The following APPL1 variants were observed in gnomAD, a reference collection of about 807,000 sequenced individuals.
APPL1 encodes DCC-interacting protein 13-alpha.
In APPL1, 42 loss-of-function variants were observed where a neutral mutation model predicts 106.8. The ratio of observed to expected loss-of-function variants is 0.39; its 90% CI spans 0.31 to 0.51. The LOEUF (loss-of-function observed/expected upper bound fraction) is 0.51, where lower values mean the gene tolerates loss of function less well. Among genes scored for constraint, APPL1 ranks in the 20% least tolerant of loss-of-function variants. The probability of loss-of-function intolerance (pLI) is 0.75; values close to 1 mark genes in which losing one functional copy is unlikely to be tolerated. For synonymous variants in APPL1, 263 were observed against 281.8 expected (o/e 0.93, Z 0.67); for missense variants, 769 against 858.2 (o/e 0.90, Z 1.30).
At chr3:57,230,927 C>A (rs368379565) in intron 1 of APPL1, among the ~76,000 whole-genome samples, 1 of 151,872 alleles carries the variant, frequency 6.6e-6, no homozygotes, top group East Asian at 1.9e-4. Context: ...GATGGAGTTT[C>A]GCTCTTGTCG....
intron 9 of APPL1, among the ~76,000 whole-genome samples, chr3:57,247,870 G>A (rs1483744669): frequency 6.6e-6 from 1 of 152,210 alleles, no homozygotes; most frequent in African/African-American, 2.4e-5. Context: ...ATGCCGAGCA[G>A]TGTATGTGGT....
chr3:57,238,286 A>T, intron 4 of APPL1, 170 bp downstream of exon 4: 1 of 519,188 alleles, frequency 1.9e-6, no homozygotes. Context: ...TACCTGATTA[A>T]ACATTGTTTT....
chr3:57,260,916 G>T, intron 19 of APPL1, 142 bp downstream of exon 19: 1 of 1,023,144 alleles, frequency 9.8e-7, no homozygotes, highest in Non-Finnish European at 1.3e-6. Flanking sequence ...AATTTATGAG[G>T]CACATGTGAA....
intron 15 of APPL1, among the ~76,000 whole-genome samples, chr3:57,258,570 A>C (rs930227302): frequency 6.6e-6 from 1 of 152,150 alleles, no homozygotes; most frequent in Non-Finnish European, 1.5e-5. Context: ...TTCTTTTTGC[A>C]TTGTTACTTA....
chr3:57,257,598 A>C (rs190261924), intron 15 of APPL1, among the ~76,000 whole-genome samples, 170 bp downstream of exon 15: 46 of 152,272 alleles, frequency 3.0e-4, no homozygotes, highest in Admixed American at 1.3e-3. Flanking sequence ...TTTTTTCTCT[A>C]TGTCTTCTGC....
At chr3:57,251,000 G>C (rs1462338842) in intron 11 of APPL1, among the ~76,000 whole-genome samples, 2 of 146,672 alleles carry the variant, frequency 1.4e-5, no homozygotes, top group African/African-American at 5.0e-5. Flanking sequence ...GTAGAGACGG[G>C]GTTTCACCGT....
chr3:57,259,816 A>T (rs1298786152), intron 16 of APPL1, 29 bp from the exon 17 acceptor site: 8 of 1,479,490 alleles, frequency 5.4e-6, no homozygotes, highest in Admixed American at 4.9e-5. Flanking sequence ...GTAAAAAAAA[A>T]ATATGTAATA....
Position 57,248,184 on chromosome 3 carries a change from C to G in APPL1, c.705-9C>G. On this transcript the variant is annotated splice_polypyrimidine_tract_variant and intron_variant, in intron 9 of 21. Transcript: ENST00000288266. The stretch of plus-strand genomic sequence containing the variant: ...TGTGATTTGTAGCAAATAATCTGTT[C>G]TGTGTCAGTGTTCGCAGGGAAATGG... The G allele has an allele frequency of 6.2e-7, 1 of 1,609,192 alleles. No homozygotes were observed. Among genetic ancestry groups the G allele is most frequent in the South Asian group, 1.1e-5 (1 of 90,404 alleles).
intron 7 of APPL1, 147 bp from the exon 8 acceptor site, chr3:57,245,929 C>A (rs2060771398): frequency 3.9e-6 from 2 of 512,418 alleles, no homozygotes; most frequent in South Asian, 8.6e-5. Flanking sequence ...TCTAAAAGAT[C>A]AGAAAACAGG....
chr3:57,260,074 C>A, intron 17 of APPL1, 43 bp from the exon 18 acceptor site: 1 of 1,605,980 alleles, frequency 6.2e-7, no homozygotes, highest in East Asian at 2.2e-5. Context: ...ATGATTTCAG[C>A]CTAATTAAAA....
In APPL1 at chr3:57,272,754, C is replaced by T. The variant is rs12497949; in HGVS notation, c.*3067C>T. On this transcript the variant is annotated 3_prime_UTR_variant, in exon 22 of 22. Transcript: ENST00000288266. Reference sequence around the variant, plus strand: ...AGCTGGGACCACAGGGGCCCACCACCGCGCCCGGCTAATTTTTTGTATTTT... The same window carrying T: ...AGCTGGGACCACAGGGGCCCACCACTGCGCCCGGCTAATTTTTTGTATTTT... 0.37 allele frequency: 55,972 copies of T among 151,998 alleles called. 12,460 individuals are homozygous for T. Among genetic ancestry groups the T allele is most frequent in the East Asian group, 0.92 (4,760 of 5,168 alleles). 9.4% of individuals were successfully genotyped at this position (151,998 alleles called of 1,614,324 possible).
In APPL1 at chr3:57,273,408, T is replaced by C. The variant is rs991691206; in HGVS notation, c.*3721T>C. On this transcript the variant is annotated 3_prime_UTR_variant, in exon 22 of 22. Transcript: ENST00000288266. ...TACTGACAAGGCTTCAGGAAAAAAG[T>C]TGTTAGAAGATTTTTTAATGTATAA... The C allele has an allele frequency of 2.6e-5, 4 of 152,426 alleles. No homozygotes were observed. Among genetic ancestry groups the C allele is most frequent in the Non-Finnish European group, 4.4e-5 (3 of 68,028 alleles). The allele number at this position is 152,426 out of a possible 1,614,324, so 9.4% of individuals were successfully genotyped here. A position where few individuals can be genotyped will look rare whatever the true frequency, so the allele number is the denominator to read the frequency against.
intron 1 of APPL1, among the ~76,000 whole-genome samples, chr3:57,232,074 A>T (rs2060689639): frequency 6.6e-6 from 1 of 152,234 alleles, no homozygotes; most frequent in Non-Finnish European, 1.5e-5. Flanking sequence ...CTTATAGTAG[A>T]TGCCTTGTCC....
intron 19 of APPL1, among the ~76,000 whole-genome samples, chr3:57,263,555 C>T (rs561871521): frequency 6.6e-6 from 1 of 152,134 alleles, no homozygotes; most frequent in African/African-American, 2.4e-5. Context: ...ATAATGACCT[C>T]CATGTTCCAT....
Position 57,271,798 on chromosome 3 carries a change from C to CCCAT in APPL1, c.*2113_*2116dup, listed in dbSNP as rs1259904587. 5 of 152,206 alleles carry CCCAT rather than the reference C, an allele frequency of 3.3e-5. No individual in the cohort carries two copies. Among genetic ancestry groups the CCCAT allele is most frequent in the Non-Finnish European group, 7.3e-5 (5 of 68,044 alleles). 9.4% of individuals were successfully genotyped at this position (152,206 alleles called of 1,614,324 possible). A position where few individuals can be genotyped will look rare whatever the true frequency, so the allele number is the denominator to read the frequency against. The stretch of plus-strand genomic sequence containing the variant: ...TCACAGGAATTTCTACAATAATAAA[C>CCCAT]CCATCATCTCCATAGGTCAGATCGA... On this transcript the variant is annotated 3_prime_UTR_variant, in exon 22 of 22. Transcript: ENST00000288266.
At chr3:57,261,058 C>T (rs919840906) in intron 19 of APPL1, among the ~76,000 whole-genome samples, 6 of 152,058 alleles carry the variant, frequency 3.9e-5, no homozygotes, top group African/African-American at 1.4e-4. Flanking sequence ...TTCTTTCTAT[C>T]GTAATTTATG....
rs1346050619 is a variant in APPL1, at chr3:57,272,183, T to C, written c.*2496T>C. On this transcript the variant is annotated 3_prime_UTR_variant, in exon 22 of 22. Coordinates refer to ENST00000288266, the MANE Select transcript of APPL1 (RefSeq NM_012096.3). ...GCCTGCCTACTTCTACAATGCATTC[T>C]GTTACCTATTTGAACAGTATGTTTG... The C allele has an allele frequency of 6.6e-6, 1 of 152,240 alleles. No homozygotes were observed. The highest frequency in any genetic ancestry group is 2.4e-5 in the African/African-American group (1 of 41,456). 9.4% of individuals were successfully genotyped at this position (152,240 alleles called of 1,614,324 possible).
chr3:57,242,761 C>T (rs984357125), intron 6 of APPL1, 95 bp from the exon 7 acceptor site: 7 of 894,282 alleles, frequency 7.8e-6, no homozygotes, highest in South Asian at 6.1e-5. Flanking sequence ...TGCTTTAGTA[C>T]GTTTGTGGAA....
At chr3:57,241,558 C>T (rs2060746669) in intron 5 of APPL1, among the ~76,000 whole-genome samples, 1 of 152,276 alleles carries the variant, frequency 6.6e-6, no homozygotes, top group African/African-American at 2.4e-5. Context: ...TACTATTCTA[C>T]ACCTACACCA....
Sources: allele counts gnomAD v4.1 joint callset (sites outside exome capture counted in the v4.1 genomes callset), GRCh38; gene constraint gnomAD v4.1.1; transcripts MANE v1.5; gene names NCBI Gene and HGNC (gene_info 2026-07-23, HGNC 2026-07-21).